SKIC3: variants seen among roughly 807,000 people sequenced by gnomAD.
SKIC3 encodes SKI3 subunit of superkiller complex.
the SKIC3 span, chr5:95,543,369 G>T: frequency 6.3e-7 from 1 of 1,598,830 alleles, no homozygotes; most frequent in Non-Finnish European, 8.6e-7. Context: ...GTAAATTTTC[G>T]AAGCAAATGA....
the SKIC3 span, among the ~76,000 whole-genome samples, chr5:95,480,209 A>T: frequency 2.5e-3 from 382 of 152,294 alleles, 13 homozygotes; most frequent in East Asian, 0.062. Context: ...GAATATCCCA[A>T]TAAAGCATTA....
At chr5:95,526,011 A>G in the SKIC3 span, among the ~76,000 whole-genome samples, 2 of 152,180 alleles carry the variant, frequency 1.3e-5, no homozygotes, top group African/African-American at 4.8e-5. Context: ...CACAAATCCC[A>G]GATATTGTAA....
the SKIC3 span, among the ~76,000 whole-genome samples, chr5:95,494,185 A>G: frequency 6.6e-6 from 1 of 152,330 alleles, no homozygotes; most frequent in South Asian, 2.1e-4. Context: ...ACCAGGTAAT[A>G]AAGTATCATT....
At chr5:95,523,520 C>T in the SKIC3 span, 1 of 1,244,614 alleles carries the variant, frequency 8.0e-7, no homozygotes, top group Admixed American at 2.7e-5. Flanking sequence ...ACTTCACTTA[C>T]AGAGGCAAAA....
At chr5:95,494,501 T>C in the SKIC3 span, among the ~76,000 whole-genome samples, 14 of 152,262 alleles carry the variant, frequency 9.2e-5, no homozygotes, top group South Asian at 2.9e-3. Context: ...AACACTTACA[T>C]AGTGCAAAGT....
At chr5:95,523,177 G>A in the SKIC3 span, 4 of 1,613,182 alleles carry the variant, frequency 2.5e-6, no homozygotes, top group Non-Finnish European at 3.4e-6. Flanking sequence ...GTCTAACATA[G>A]TTTAAATACA....
At chr5:95,520,260 C>T in the SKIC3 span, among the ~76,000 whole-genome samples, 2 of 151,618 alleles carry the variant, frequency 1.3e-5, no homozygotes, top group Admixed American at 6.6e-5. Context: ...ACAGTTTCTC[C>T]TCAGGAGCAA....
chr5:95,491,050 A>C, the SKIC3 span: 1 of 1,613,722 alleles, frequency 6.2e-7, no homozygotes, highest in Non-Finnish European at 8.5e-7. Context: ...AAAACAGGAA[A>C]TACACAGTGA....
chr5:95,535,503 G>A, the SKIC3 span, among the ~76,000 whole-genome samples: 11 of 151,494 alleles, frequency 7.3e-5, no homozygotes, highest in Admixed American at 4.6e-4. Context: ...GTAGAGACGC[G>A]GTTTCACCGT....
chr5:95,543,216 C>T, the SKIC3 span: 1 of 1,613,930 alleles, frequency 6.2e-7, no homozygotes. Flanking sequence ...GGCTCTAATT[C>T]AGCAGCTTTT....
the SKIC3 span, chr5:95,482,418 C>T: frequency 5.1e-6 from 8 of 1,556,182 alleles, no homozygotes; most frequent in African/African-American, 1.1e-4. Context: ...CTGACATTAA[C>T]TAATATTATG....
chr5:95,485,381 G>A, the SKIC3 span, among the ~76,000 whole-genome samples: 1 of 152,260 alleles, frequency 6.6e-6, no homozygotes, highest in South Asian at 2.1e-4. Context: ...CATATAAGTG[G>A]AATCATATAG....
chr5:95,513,497 A>G, the SKIC3 span: 2 of 1,508,408 alleles, frequency 1.3e-6, no homozygotes, highest in Non-Finnish European at 1.8e-6. Flanking sequence ...CTAGCCCAAT[A>G]TCTATTCATT....
At chr5:95,487,638 GCCAAAGTGA>G in the SKIC3 span, among the ~76,000 whole-genome samples, 1 of 152,142 alleles carries the variant, frequency 6.6e-6, no homozygotes, top group African/African-American at 2.4e-5. Context: ...CAGAATCAAA[GCCAAAGTGA>G]CCTACCCAAA....
the SKIC3 span, among the ~76,000 whole-genome samples, chr5:95,491,657 A>G: frequency 2.0e-5 from 3 of 152,204 alleles, no homozygotes; most frequent in Non-Finnish European, 4.4e-5. Context: ...GTTGGAAGGG[A>G]ACTTTTTATG....
the SKIC3 span, chr5:95,470,022 C>A: frequency 3.0e-6 from 4 of 1,313,490 alleles, no homozygotes; most frequent in East Asian, 1.1e-4. Context: ...TGTCACCCAG[C>A]CTGGAGTGCA....
the SKIC3 span, among the ~76,000 whole-genome samples, chr5:95,487,642 A>C: frequency 6.6e-6 from 1 of 152,204 alleles, no homozygotes; most frequent in African/African-American, 2.4e-5. Flanking sequence ...ATCAAAGCCA[A>C]AGTGACCTAC....
chr5:95,541,643 T>G, the SKIC3 span, among the ~76,000 whole-genome samples: 1 of 151,762 alleles, frequency 6.6e-6, no homozygotes, highest in Non-Finnish European at 1.5e-5. Flanking sequence ...ATCCTCTTAC[T>G]AGTAGTGTTT....
the SKIC3 span, among the ~76,000 whole-genome samples, chr5:95,502,659 C>A: frequency 6.6e-6 from 1 of 152,060 alleles, no homozygotes; most frequent in African/African-American, 2.4e-5. Context: ...TAATATGCAA[C>A]AGAGTAATGG....
Sources: allele counts gnomAD v4.1 joint callset (sites outside exome capture counted in the v4.1 genomes callset), GRCh38; gene constraint gnomAD v4.1.1; transcripts MANE v1.5; gene names NCBI Gene and HGNC (gene_info 2026-07-23, HGNC 2026-07-21).